The following STK32B variants were observed in gnomAD, a reference collection of about 807,000 sequenced individuals.
STK32B encodes serine/threonine-protein kinase 32B.
Under a neutral mutation model 52.6 loss-of-function variants are expected in STK32B, and 43 were observed. The ratio of observed to expected loss-of-function variants is 0.82; its 90% CI spans 0.64 to 1.05. The LOEUF (loss-of-function observed/expected upper bound fraction) is 1.05, where lower values mean the gene tolerates loss of function less well. STK32B is among the 50% of genes least tolerant of loss of function. The probability of loss-of-function intolerance (pLI) is 0.00; values close to 1 mark genes in which losing one functional copy is unlikely to be tolerated. For synonymous variants in STK32B, 238 were observed against 204.3 expected, an observed-to-expected ratio of 1.17 and a Z score of -1.41; for missense variants, 621 against 534.6, an observed-to-expected ratio of 1.16 and a Z score of -1.59.
intron 6 of STK32B, among the ~76,000 whole-genome samples, chr4:5,437,421 C>T (rs1297676072): frequency 6.6e-6 from 1 of 152,210 alleles, no homozygotes; most frequent in African/African-American, 2.4e-5. Context: ...CCGCATTGCC[C>T]TGATCTGCCT....
intron 1 of STK32B, among the ~76,000 whole-genome samples, chr4:5,123,659 C>T (rs1445943613): frequency 6.6e-6 from 1 of 152,090 alleles, no homozygotes; most frequent in African/African-American, 2.4e-5. Context: ...CATCTGTGTT[C>T]TTATCACCTC....
chr4:5,075,296 A>G (rs112191629), intron 1 of STK32B, among the ~76,000 whole-genome samples: 33 of 152,170 alleles, frequency 2.2e-4, no homozygotes, highest in Non-Finnish European at 4.7e-4. Flanking sequence ...TCTCTTCAAA[A>G]ACATTTCAAC....
chr4:5,305,867 C>G (rs1286801311), intron 3 of STK32B, among the ~76,000 whole-genome samples: 2 of 152,226 alleles, frequency 1.3e-5, no homozygotes, highest in Non-Finnish European at 2.9e-5. Context: ...CTTAGCACCA[C>G]TTTTGCTGTA....
intron 9 of STK32B, among the ~76,000 whole-genome samples, chr4:5,465,454 G>C (rs1187721115): frequency 6.6e-6 from 1 of 152,102 alleles, no homozygotes; most frequent in Middle Eastern, 3.2e-3. Context: ...AGATTAGGGA[G>C]CATGGCCAAG....
chr4:5,327,179 C>T (rs1731935672), intron 3 of STK32B, among the ~76,000 whole-genome samples: 1 of 151,890 alleles, frequency 6.6e-6, no homozygotes, highest in South Asian at 2.1e-4. Context: ...TTTACCACGT[C>T]TGCAGTTCCT....
intron 1 of STK32B, among the ~76,000 whole-genome samples, chr4:5,073,843 A>G (rs536981325): frequency 6.6e-6 from 1 of 152,076 alleles, no homozygotes; most frequent in Non-Finnish European, 1.5e-5. Context: ...GTCAGCCATT[A>G]TTCAAACAGT....
chr4:5,180,984 C>T (rs1252847986), intron 3 of STK32B, among the ~76,000 whole-genome samples: 3 of 152,118 alleles, frequency 2.0e-5, no homozygotes, highest in African/African-American at 4.8e-5. Context: ...AGAAAAGCTG[C>T]ACCCCAGAGA....
At chr4:5,303,742 A>G (rs1729734228) in intron 3 of STK32B, among the ~76,000 whole-genome samples, 1 of 152,076 alleles carries the variant, frequency 6.6e-6, no homozygotes, top group Non-Finnish European at 1.5e-5. Flanking sequence ...GGTTTTGGTC[A>G]TGAAGTCTAC....
chr4:5,047,056 C>G (rs1741631936), upstream of STK32B, among the ~76,000 whole-genome samples: 1 of 152,166 alleles, frequency 6.6e-6, no homozygotes, highest in Non-Finnish European at 1.5e-5. Context: ...TACTGCAGCA[C>G]TGTTTACAAT....
intron 1 of STK32B, among the ~76,000 whole-genome samples, chr4:5,135,383 ATGT>A (rs372197153): frequency 1.3e-5 from 2 of 152,242 alleles, no homozygotes; most frequent in African/African-American, 4.8e-5. Flanking sequence ...CCTGGCTCCT[ATGT>A]TGTTGTCCCA....
chr4:5,100,396 T>TTC (rs1560150975), intron 1 of STK32B, among the ~76,000 whole-genome samples: 33 of 141,188 alleles, frequency 2.3e-4, no homozygotes, highest in African/African-American at 8.5e-4. Flanking sequence ...CTTCCTTCCT[T>TTC]CTTTCCTTCC....
At position 5,498,925 on chromosome 4, in the gene STK32B, A is replaced by C. The variant is rs201362414; in HGVS notation, c.1107-20A>C. ...CAACCCCATGCCGCACCACTAACTCAGATCTGTGCTTGTTTGCAGGCTCAG... is the reference window on the plus strand; with the variant it reads ...CAACCCCATGCCGCACCACTAACTCCGATCTGTGCTTGTTTGCAGGCTCAG... On this transcript the variant is annotated intron_variant, in intron 11 of 11. Coordinates refer to ENST00000282908, the MANE Select transcript of STK32B (RefSeq NM_018401.3). 1 of 1,606,634 alleles carries C rather than the reference A, an allele frequency of 6.2e-7. No individual in the cohort carries two copies. The highest frequency in any genetic ancestry group is 8.5e-7 in the Non-Finnish European group (1 of 1,175,946).
chr4:5,337,015 G>T (rs1732749302), intron 4 of STK32B, among the ~76,000 whole-genome samples: 1 of 152,102 alleles, frequency 6.6e-6, no homozygotes, highest in South Asian at 2.1e-4. Context: ...GAGTTTTGCT[G>T]TCGTTCAGGC....
intron 3 of STK32B, among the ~76,000 whole-genome samples, chr4:5,170,722 G>C (rs1336460779): frequency 6.6e-6 from 1 of 152,088 alleles, no homozygotes; most frequent in Non-Finnish European, 1.5e-5. Context: ...TTGGACATTT[G>C]GGTTGGTTCC....
chr4:5,268,574 TG>T (rs1727209101), intron 3 of STK32B, among the ~76,000 whole-genome samples: 1 of 145,148 alleles, frequency 6.9e-6, no homozygotes, highest in Non-Finnish European at 1.5e-5. Flanking sequence ...TGTGTGTGTG[TG>T]TGTGTGTGTA....
At chr4:5,494,950 T>C (rs1235834934) in intron 11 of STK32B, among the ~76,000 whole-genome samples, 1 of 152,232 alleles carries the variant, frequency 6.6e-6, no homozygotes, top group African/African-American at 2.4e-5. Context: ...GATCAGCTGT[T>C]AGTCTGATGG....
chr4:5,334,770 G>C (rs1250618286), intron 4 of STK32B, among the ~76,000 whole-genome samples: 3 of 151,734 alleles, frequency 2.0e-5, no homozygotes, highest in African/African-American at 7.3e-5. Flanking sequence ...TTTATATGCT[G>C]GATTACATTT....
chr4:5,103,417 A>G (rs1037898483), intron 1 of STK32B, among the ~76,000 whole-genome samples: 20 of 152,140 alleles, frequency 1.3e-4, no homozygotes, highest in Non-Finnish European at 2.5e-4. Context: ...CTGAAATTAG[A>G]TCATTTTGAA....
chr4:5,286,384 TTGAG>T (rs1728542672), intron 3 of STK32B, among the ~76,000 whole-genome samples: 1 of 151,608 alleles, frequency 6.6e-6, no homozygotes, highest in Admixed American at 6.6e-5. Context: ...AGTGTACATA[TTGAG>T]TTTCACCTGG....
Sources: gnomAD v4.1 joint callset for allele counts (sites outside exome capture counted in the v4.1 genomes callset) on GRCh38, gnomAD v4.1.1 for gene constraint, MANE v1.5 for transcripts, NCBI Gene and HGNC (gene_info 2026-07-23, HGNC 2026-07-21) for gene names.